Variants in SOCS5 observed in about 807,000 individuals in gnomAD.
The protein encoded by SOCS5 is CIS-6.
In SOCS5, 32 loss-of-function variants were observed where a neutral mutation model predicts 42.8. The ratio of observed to expected loss-of-function variants is 0.75; its 90% CI spans 0.56 to 1.01. The LOEUF (loss-of-function observed/expected upper bound fraction) is 1.01. Among genes scored for constraint, SOCS5 ranks in the 50% least tolerant of loss-of-function variants. The probability of loss-of-function intolerance (pLI) is 0.00; values close to 1 mark genes in which losing one functional copy is unlikely to be tolerated. For missense variants in SOCS5, 627 were observed against 653.0 expected (o/e 0.96, Z 0.43); for synonymous variants, 283 against 229.6 (o/e 1.23, Z -2.10).
chr2:46,701,521 G>C (rs914365091), intron 1 of SOCS5, among the ~76,000 whole-genome samples: 5 of 152,140 alleles, frequency 3.3e-5, no homozygotes, highest in Non-Finnish European at 7.3e-5. Context: ...CCAGTCCAGA[G>C]ATTGCTTTAT....
At chr2:46,754,336 C>G (rs1037609371) in intron 1 of SOCS5, among the ~76,000 whole-genome samples, 1 of 151,934 alleles carries the variant, frequency 6.6e-6, no homozygotes, top group African/African-American at 2.4e-5. Context: ...ATATTTTTTC[C>G]ATTTCTTTGA....
Position 46,759,435 on chromosome 2 carries a change from A to G in SOCS5, c.905A>G (p.Lys302Arg), listed in dbSNP as rs1188406374. 1.2e-6 allele frequency: 2 copies of G among 1,613,984 alleles called. No individual in the cohort carries two copies. The highest frequency in any genetic ancestry group is 1.7e-6 in the Non-Finnish European group (2 of 1,179,856). The change falls in exon 2 of 2, where the codon AAA becomes AGA. Residue 302 changes from lysine (K) to arginine (R), a missense_variant. Lys to Arg is a conservative substitution (Grantham distance 26, BLOSUM62 2). This residue lies in a region of SOCS5 where 340 missense variants were observed against 367.6 expected (regional missense o/e 0.92). Coordinates refer to ENST00000394861, the MANE Select transcript of SOCS5 (RefSeq NM_144949.3). ...QVNPLYKLGPKLAPGMTEISG... is the reference protein window; with the variant it reads ...QVNPLYKLGPRLAPGMTEISG... ...AATCCATTATATAAACTGGGACCAA[A>G]ATTAGCTCCTGGAATGACTGAAATA...
In SOCS5 at chr2:46,707,014, A is replaced by G. The variant is rs114954529; in HGVS notation, c.-13+7565A>G. ...TTTAAAAATTTTTAAATGCTGTACA[A>G]ATGAGGATGGAGGAATACTGATGTT... is the stretch of plus-strand genomic sequence containing the variant. On this transcript the variant is annotated intron_variant, in intron 1 of 1. Coordinates refer to ENST00000394861, the MANE Select transcript of SOCS5 (RefSeq NM_144949.3). Among the ~76,000 whole-genome samples, 940 of 152,324 alleles carry G rather than the reference A, an allele frequency of 6.2e-3. 2 individuals are homozygous for G. Among genetic ancestry groups the G allele is most frequent in the Non-Finnish European group, 0.01 (714 of 68,030 alleles).
At chr2:46,744,659 C>G (rs1673459041) in intron 1 of SOCS5, among the ~76,000 whole-genome samples, 1 of 151,768 alleles carries the variant, frequency 6.6e-6, no homozygotes, top group Non-Finnish European at 1.5e-5. Flanking sequence ...TCCTGAGTAG[C>G]TGGGATTACA....
At chr2:46,701,809 A>ATTTTTTTTTTT (rs869043578) in intron 1 of SOCS5, among the ~76,000 whole-genome samples, 1 of 35,860 alleles carries the variant, frequency 2.8e-5, no homozygotes, top group East Asian at 6.3e-4. Context: ...GCATTCTATA[A>ATTTTTTTTTTT]TTTTTATGCT....
chr2:46,727,977 G>C (rs574893425), intron 1 of SOCS5, among the ~76,000 whole-genome samples: 5 of 152,142 alleles, frequency 3.3e-5, no homozygotes, highest in Non-Finnish European at 7.3e-5. Flanking sequence ...CTACTCTCTT[G>C]AAACAACAGC....
Position 46,758,861 on chromosome 2 carries a change from A to T in SOCS5, c.331A>T (p.Arg111Ter). ...CVTPGTRLAR[R>*]DSYSRHAPWG... The stretch of plus-strand genomic sequence containing the variant: ...TACCCCAGGAACAAGACTTGCACGA[A>T]GAGATTCCTACTCTCGACATGCTCC... Residue 111 changes from arginine (R) to a stop codon, truncating the protein, a stop_gained, in exon 2 of 2, where the codon AGA becomes TGA. Transcript: ENST00000394861. LOFTEE classifies it high-confidence loss of function. The T allele has an allele frequency of 6.2e-7, 1 of 1,613,392 alleles. No homozygotes were observed. The highest frequency in any genetic ancestry group is 8.5e-7 in the Non-Finnish European group (1 of 1,179,278).
At chr2:46,740,947 A>C (rs1055005707) in intron 1 of SOCS5, among the ~76,000 whole-genome samples, 3 of 152,158 alleles carry the variant, frequency 2.0e-5, no homozygotes, top group Non-Finnish European at 4.4e-5. Context: ...CAACCAGAAG[A>C]GACTCATAAA....
chr2:46,747,780 A>C (rs753077306), intron 1 of SOCS5, among the ~76,000 whole-genome samples: 1 of 152,182 alleles, frequency 6.6e-6, no homozygotes, highest in Non-Finnish European at 1.5e-5. Flanking sequence ...GTAAATAGGC[A>C]TAGAGAAAGA....
At position 46,760,014 on chromosome 2, in the gene SOCS5, G is replaced by C; in HGVS notation, c.1484G>C (p.Cys495Ser). 6.2e-7 allele frequency: 1 copy of C among 1,614,112 alleles called. No individual in the cohort carries two copies. Among genetic ancestry groups the C allele is most frequent in the Non-Finnish European group, 8.5e-7 (1 of 1,179,998 alleles). ...QYICRAVICR[C>S]TTYDGIDGLP... ...ATCTGTCGCGCGGTAATCTGCAGGT[G>C]CACTACGTATGATGGAATTGATGGG... The change falls in exon 2 of 2, where the codon TGC (cysteine) becomes TCC (serine). Residue 495 changes from cysteine to serine, a missense_variant. Physicochemically the swap from Cys to Ser is moderately radical, Grantham distance 112. Coordinates refer to ENST00000394861, the MANE Select transcript of SOCS5 (RefSeq NM_144949.3).
At chr2:46,714,154 A>T (rs1018911601) in intron 1 of SOCS5, among the ~76,000 whole-genome samples, 1 of 152,192 alleles carries the variant, frequency 6.6e-6, no homozygotes, top group Non-Finnish European at 1.5e-5. Context: ...ATAGATGCCA[A>T]TTAGGTTAGT....
intron 1 of SOCS5, among the ~76,000 whole-genome samples, chr2:46,756,102 TCA>T (rs2103762076): frequency 6.6e-6 from 1 of 152,322 alleles, no homozygotes; most frequent in East Asian, 1.9e-4. Context: ...TTTCTGCATA[TCA>T]CACTAATTCA....
rs189030123 is a variant in SOCS5, at chr2:46,714,337, A to G, written c.-13+14888A>G. Among the ~76,000 whole-genome samples the G allele has an allele frequency of 6.6e-4, 101 of 152,316 alleles. 2 individuals are homozygous for G. Among genetic ancestry groups the G allele is most frequent in the African/African-American group, 2.2e-3 (90 of 41,582 alleles). The stretch of plus-strand genomic sequence containing the variant: ...CATAGTTTACAGCATTGTTGAGTGC[A>G]TGCACATTGGAGATTAAGTGTTGTT... On this transcript the variant is annotated intron_variant, in intron 1 of 1. Coordinates refer to ENST00000394861, the MANE Select transcript of SOCS5 (RefSeq NM_144949.3).
rs188385890 is a variant in SOCS5, at chr2:46,726,109, T to C, written c.-13+26660T>C. On this transcript the variant is annotated intron_variant, in intron 1 of 1. Transcript: ENST00000394861. ...TTATTTAAAAATTTATTTATTTATT[T>C]TTTTGTAGACGGAGTCTCGCTCTGT... 1.1e-4 allele frequency among the ~76,000 whole-genome samples: 16 copies of C among 152,288 alleles called. No homozygotes were observed. In the East Asian group the frequency reaches 2.7e-3, roughly 26 times the overall value.
intron 1 of SOCS5, among the ~76,000 whole-genome samples, chr2:46,732,931 G>T (rs1389252000): frequency 2.0e-5 from 3 of 151,972 alleles, no homozygotes; most frequent in Non-Finnish European, 4.4e-5. Context: ...TTTCACAATA[G>T]CTGGTTTCAC....
intron 1 of SOCS5, among the ~76,000 whole-genome samples, chr2:46,734,376 C>G (rs953256728): frequency 5.9e-5 from 9 of 152,108 alleles, no homozygotes; most frequent in African/African-American, 2.2e-4. Flanking sequence ...TCAGCTATCA[C>G]TTACTAACCT....
intron 1 of SOCS5, among the ~76,000 whole-genome samples, chr2:46,735,234 G>A (rs571185224): frequency 2.0e-5 from 3 of 152,260 alleles, no homozygotes; most frequent in East Asian, 1.9e-4. Flanking sequence ...TTCAGCTCAT[G>A]GCTTTGGAAG....
intron 1 of SOCS5, among the ~76,000 whole-genome samples, chr2:46,752,067 G>T (rs182089451): frequency 6.6e-6 from 1 of 152,218 alleles, no homozygotes; most frequent in Non-Finnish European, 1.5e-5. Context: ...GAGACTGTAC[G>T]GCCCACAAAA....
intron 1 of SOCS5, among the ~76,000 whole-genome samples, chr2:46,740,568 T>C (rs922920363): frequency 2.6e-5 from 4 of 152,042 alleles, no homozygotes; most frequent in African/African-American, 9.7e-5. Context: ...GATCAAGAAT[T>C]AGCAAAAGGT....
Sources: gnomAD v4.1 joint callset for allele counts (sites outside exome capture counted in the v4.1 genomes callset) on GRCh38, gnomAD v4.1.1 for gene constraint, gnomAD v4.1.1 regional missense constraint, MANE v1.5 for transcripts, NCBI Gene and HGNC (gene_info 2026-07-23, HGNC 2026-07-21) for gene names.